Variants in ATP6V1C1 observed in about 807,000 individuals in gnomAD.
The protein encoded by ATP6V1C1 is ATPase H+ transporting V1 subunit C1, also known as V-type proton ATPase subunit C 1.
Under a neutral mutation model 53.9 loss-of-function variants are expected in ATP6V1C1, and 45 were observed. The ratio of observed to expected loss-of-function variants is 0.83; its 90% CI spans 0.66 to 1.07. ATP6V1C1 has a LOEUF of 1.07. Ranked by LOEUF, ATP6V1C1 falls within the 50% of genes least tolerant of loss-of-function variation. The pLI is 0.00. For missense variants in ATP6V1C1, 315 were observed against 440.3 expected, an observed-to-expected ratio of 0.72 and a Z score of 2.55; for synonymous variants, 153 against 155.2, an observed-to-expected ratio of 0.99 and a Z score of 0.11.
At chr8:103,061,087 A>T (rs919141648) in intron 8 of ATP6V1C1, among the ~76,000 whole-genome samples, 4 of 152,224 alleles carry the variant, frequency 2.6e-5, no homozygotes, top group African/African-American at 9.6e-5. Flanking sequence ...AAAGCAGAAG[A>T]TCCTTAAACG....
chr8:103,029,509 C>T (rs1193114219), intron 1 of ATP6V1C1, among the ~76,000 whole-genome samples: 1 of 152,098 alleles, frequency 6.6e-6, no homozygotes, highest in East Asian at 1.9e-4. Context: ...CTCAGGTGAT[C>T]CACCCGCCTC....
intron 12 of ATP6V1C1, among the ~76,000 whole-genome samples, chr8:103,066,963 A>T (rs979958037): frequency 6.6e-6 from 1 of 151,562 alleles, no homozygotes; most frequent in African/African-American, 2.4e-5. Flanking sequence ...ACATAGTAAG[A>T]TCCCATCTGA....
intron 5 of ATP6V1C1, among the ~76,000 whole-genome samples, chr8:103,051,738 T>C (rs1045368945): frequency 3.8e-4 from 58 of 152,150 alleles, no homozygotes; most frequent in Non-Finnish European, 5.3e-4. Context: ...TCCTAGAACT[T>C]GAGAGGAAAA....
chr8:103,022,039 G>A (rs1255720939), intron 1 of ATP6V1C1, among the ~76,000 whole-genome samples: 2 of 152,176 alleles, frequency 1.3e-5, no homozygotes, highest in Non-Finnish European at 2.9e-5. Context: ...TAGCACTAAC[G>A]TTGGAGAGAA....
At chr8:103,058,758 T>G (rs989446015) in intron 8 of ATP6V1C1, among the ~76,000 whole-genome samples, 5 of 152,220 alleles carry the variant, frequency 3.3e-5, no homozygotes, top group Admixed American at 1.3e-4. Context: ...CCTGAAAGAA[T>G]TTTAAAGTTC....
intron 1 of ATP6V1C1, among the ~76,000 whole-genome samples, chr8:103,034,569 AT>A (rs3837181): frequency 0.46 from 64,641 of 139,212 alleles, 14,641 homozygotes; most frequent in African/African-American, 0.6. Context: ...TTCAAGGATA[AT>A]TTTTTTTTTT....
chr8:103,027,766 T>C (rs1816724207), intron 1 of ATP6V1C1, among the ~76,000 whole-genome samples: 1 of 151,898 alleles, frequency 6.6e-6, no homozygotes, highest in African/African-American at 2.4e-5. Context: ...CAGAATTGAC[T>C]AGTGTTTCCC....
rs753418582 is a variant in ATP6V1C1 at position 103,068,655 on chromosome 8, C to T, written c.1057C>T (p.Pro353Ser). 3.7e-6 allele frequency: 6 copies of T among 1,601,096 alleles called. No individual in the cohort carries two copies. The highest frequency in any genetic ancestry group is 1.7e-5 in the Admixed American group (1 of 58,312). Residue 353 changes from proline to serine, a missense_variant, in exon 13 of 13, where the codon CCT (proline) becomes TCT (serine). Coordinates refer to ENST00000518738, the MANE Select transcript of ATP6V1C1 (RefSeq NM_001695.5). ...DSSAAAIIDA[P>S]MDIPGLNLSQ... ...TAATTGTCTGTTTTTTCCATAGGCT[C>T]CTATGGATATTCCAGGTTTAAACCT...
chr8:103,039,765 A>C (rs1181916035), intron 1 of ATP6V1C1, among the ~76,000 whole-genome samples: 1 of 152,184 alleles, frequency 6.6e-6, no homozygotes, highest in Non-Finnish European at 1.5e-5. Flanking sequence ...AAGAGATTAT[A>C]GAAGAGGGTT....
At chr8:103,031,495 A>G (rs1259759257) in intron 1 of ATP6V1C1, among the ~76,000 whole-genome samples, 2 of 152,214 alleles carry the variant, frequency 1.3e-5, no homozygotes, top group Admixed American at 1.3e-4. Flanking sequence ...GAGAAGGAGC[A>G]AGAGTCAGGG....
chr8:103,056,524 G>T (rs116335373), intron 8 of ATP6V1C1, among the ~76,000 whole-genome samples: 1 of 152,146 alleles, frequency 6.6e-6, no homozygotes, highest in Non-Finnish European at 1.5e-5. Flanking sequence ...GAAGAAGTAT[G>T]GACAGTTATC....
chr8:103,042,471 A>G (rs1817018704), intron 3 of ATP6V1C1, 64 bp downstream of exon 3: 1 of 1,516,824 alleles, frequency 6.6e-7, no homozygotes, highest in African/African-American at 1.4e-5. Flanking sequence ...CTTCATGGAC[A>G]CTGGGTTTAT....
At chr8:103,036,837 A>G (rs1467148343) in intron 1 of ATP6V1C1, among the ~76,000 whole-genome samples, 4 of 152,208 alleles carry the variant, frequency 2.6e-5, no homozygotes, top group Non-Finnish European at 5.9e-5. Flanking sequence ...ATCATCAGGA[A>G]GAATTTAACA....
intron 4 of ATP6V1C1, among the ~76,000 whole-genome samples, chr8:103,050,277 A>G (rs1334254472): frequency 6.6e-6 from 1 of 152,228 alleles, no homozygotes; most frequent in Non-Finnish European, 1.5e-5. Flanking sequence ...TTTATGAACT[A>G]GGGCAGTCAG....
intron 3 of ATP6V1C1, among the ~76,000 whole-genome samples, chr8:103,044,766 G>A (rs1028442950): frequency 6.6e-6 from 1 of 150,782 alleles, no homozygotes; most frequent in Non-Finnish European, 1.5e-5. Flanking sequence ...CTGCAAATAA[G>A]TCAGCTGGAA....
At chr8:103,034,223 C>G (rs1288392946) in intron 1 of ATP6V1C1, among the ~76,000 whole-genome samples, 1 of 152,152 alleles carries the variant, frequency 6.6e-6, no homozygotes, top group Admixed American at 6.5e-5. Flanking sequence ...GGATCTGAGC[C>G]TTGAGAAACT....
At chr8:103,027,785 C>A (rs1816724482) in intron 1 of ATP6V1C1, among the ~76,000 whole-genome samples, 1 of 151,844 alleles carries the variant, frequency 6.6e-6, no homozygotes, top group South Asian at 2.1e-4. Flanking sequence ...CCTTGTGCCT[C>A]CCTATGTTCT....
At chr8:103,031,650 A>C (rs904025826) in intron 1 of ATP6V1C1, among the ~76,000 whole-genome samples, 4 of 152,186 alleles carry the variant, frequency 2.6e-5, no homozygotes, top group African/African-American at 9.7e-5. Context: ...GACACCTCCC[A>C]CCAGGCCCCA....
At chr8:103,028,730 G>A (rs958263919) in intron 1 of ATP6V1C1, among the ~76,000 whole-genome samples, 4 of 152,158 alleles carry the variant, frequency 2.6e-5, no homozygotes, top group Admixed American at 6.5e-5. Context: ...TATCCTCAGC[G>A]CAGTGCTCTG....
Sources: allele counts gnomAD v4.1 joint callset (sites outside exome capture counted in the v4.1 genomes callset), GRCh38; gene constraint gnomAD v4.1.1; transcripts MANE v1.5; gene names NCBI Gene and HGNC (gene_info 2026-07-23, HGNC 2026-07-21).